Variants in PLPPR1 observed in about 807,000 individuals in gnomAD.
PLPPR1 encodes the protein phospholipid phosphatase related 1, also known as phospholipid phosphatase-related protein type 1.
A neutral mutation model predicts 33.1 loss-of-function variants in PLPPR1; 10 were observed. The observed-to-expected ratio is 0.30, with a 90% CI of 0.19 to 0.51. The LOEUF (loss-of-function observed/expected upper bound fraction) is 0.51, where lower values mean the gene tolerates loss of function less well. Ranked by LOEUF, PLPPR1 falls within the 20% of genes least tolerant of loss-of-function variation. The pLI is 0.97. For missense variants in PLPPR1, 304 were observed against 408.1 expected (o/e 0.74, Z 2.20); for synonymous variants, 151 against 151.0 (o/e 1.00, Z 0.00).
chr9:101,169,477 A>G (rs1028020719), intron 1 of PLPPR1, among the ~76,000 whole-genome samples: 1 of 152,118 alleles, frequency 6.6e-6, no homozygotes, highest in African/African-American at 2.4e-5. Context: ...GGTGGACCGT[A>G]AGATAATTCA....
chr9:101,118,980 G>A (rs1338887252), intron 1 of PLPPR1, among the ~76,000 whole-genome samples: 2 of 151,924 alleles, frequency 1.3e-5, no homozygotes, highest in Admixed American at 6.6e-5. Flanking sequence ...TGAGAAGTTC[G>A]TTTCTAGAAG....
chr9:101,264,337 G>A (rs913423284), intron 2 of PLPPR1, among the ~76,000 whole-genome samples: 1 of 151,986 alleles, frequency 6.6e-6, no homozygotes, highest in African/African-American at 2.4e-5. Flanking sequence ...TATATTGATG[G>A]AGCTGGGCCA....
At chr9:101,181,053 A>G (rs1826101186) in intron 1 of PLPPR1, among the ~76,000 whole-genome samples, 1 of 150,554 alleles carries the variant, frequency 6.6e-6, no homozygotes, top group African/African-American at 2.4e-5. Context: ...AACCCAATCT[A>G]AACATGGTCA....
rs569653553 is a variant in PLPPR1 at position 101,042,428 on chromosome 9, C to T, written c.-46+13326C>T. Among the ~76,000 whole-genome samples the T allele has an allele frequency of 9.2e-5, 14 of 152,230 alleles. No homozygotes were observed. In the East Asian group the frequency reaches 2.1e-3, roughly 23 times the overall value. ...GCATTTACTGATCACCCTAGGGACA[C>T]TTCTTTTGTCTAGGAATTTGCCTGG... On this transcript the variant is annotated intron_variant, in intron 1 of 7. Coordinates refer to ENST00000374874, the MANE Select transcript of PLPPR1 (RefSeq NM_207299.2).
chr9:101,277,404 A>G (rs370622005), intron 3 of PLPPR1, among the ~76,000 whole-genome samples: 21 of 152,276 alleles, frequency 1.4e-4, no homozygotes, highest in African/African-American at 4.8e-4. Flanking sequence ...GGCTGTGTCT[A>G]CTTTGCTTTC....
intron 1 of PLPPR1, among the ~76,000 whole-genome samples, chr9:101,110,280 C>T (rs900159014): frequency 6.6e-6 from 1 of 151,970 alleles, no homozygotes; most frequent in African/African-American, 2.4e-5. Flanking sequence ...ACAATAACAA[C>T]AAAAATAATA....
intron 2 of PLPPR1, among the ~76,000 whole-genome samples, chr9:101,188,515 G>C (rs1160428628): frequency 6.6e-6 from 1 of 151,270 alleles, no homozygotes; most frequent in African/African-American, 2.4e-5. Context: ...TTATTGCTTT[G>C]GTTAAGAACT....
At chr9:101,193,012 C>A (rs940320795) in intron 2 of PLPPR1, among the ~76,000 whole-genome samples, 1 of 152,116 alleles carries the variant, frequency 6.6e-6, no homozygotes, top group African/African-American at 2.4e-5. Context: ...TTCCAGCACC[C>A]TTTATCCTTG....
chr9:101,130,498 A>T (rs1831301269), intron 1 of PLPPR1, among the ~76,000 whole-genome samples: 1 of 152,216 alleles, frequency 6.6e-6, no homozygotes, highest in Non-Finnish European at 1.5e-5. Flanking sequence ...CTGGCACTTC[A>T]TAGATGGTAG....
intron 1 of PLPPR1, among the ~76,000 whole-genome samples, chr9:101,046,872 G>A (rs1241130950): frequency 5.3e-5 from 8 of 151,910 alleles, no homozygotes; most frequent in Middle Eastern, 3.4e-3. Context: ...TTATTTTAAC[G>A]CATTTATCTT....
intron 2 of PLPPR1, among the ~76,000 whole-genome samples, chr9:101,244,453 A>G (rs752715386): frequency 3.3e-5 from 5 of 151,324 alleles, no homozygotes; most frequent in African/African-American, 1.2e-4. Context: ...TTTTTTTGGT[A>G]TTTCTGTTAA....
chr9:101,306,986 G>A (rs1287010787), intron 4 of PLPPR1, among the ~76,000 whole-genome samples: 6 of 152,344 alleles, frequency 3.9e-5, no homozygotes, highest in African/African-American at 1.2e-4. Context: ...AGTTACCAGT[G>A]CAGGTTCCAC....
At chr9:101,167,032 C>T (rs1355316493) in intron 1 of PLPPR1, among the ~76,000 whole-genome samples, 1 of 127,660 alleles carries the variant, frequency 7.8e-6, no homozygotes, top group Non-Finnish European at 1.7e-5. Flanking sequence ...TCTGAGGGTG[C>T]CAGAAGATCT....
rs529383279 is a variant in PLPPR1 at position 101,138,881 on chromosome 9, G to C, written c.-45-46569G>C. ...TTCAAATTTCATGTTTTTTCCCCAG[G>C]GTTTGGTAGGATTAAAGTTGACTCT... is the stretch of plus-strand genomic sequence containing the variant. On this transcript the variant is annotated intron_variant, in intron 1 of 7. Transcript: ENST00000374874. Among the ~76,000 whole-genome samples the C allele has an allele frequency of 1.8e-4, 28 of 152,170 alleles. No individual in the cohort carries two copies. The East Asian group carries it at 3.9e-3, about 21-fold the overall frequency.
intron 2 of PLPPR1, among the ~76,000 whole-genome samples, chr9:101,239,527 A>T (rs566564126): frequency 6.6e-6 from 1 of 152,036 alleles, no homozygotes; most frequent in South Asian, 2.1e-4. Context: ...TGAAAAAATA[A>T]GATTTGATTC....
intron 1 of PLPPR1, among the ~76,000 whole-genome samples, chr9:101,078,072 T>A: frequency 1.0e-5 from 1 of 100,244 alleles, no homozygotes. Context: ...GAAAAGAGAG[T>A]CTGGAATGGA....
At chr9:101,079,918 T>A (rs650894) in intron 1 of PLPPR1, among the ~76,000 whole-genome samples, 2 of 151,466 alleles carry the variant, frequency 1.3e-5, no homozygotes, top group African/African-American at 2.4e-5. Context: ...TTTTTTCTCA[T>A]TCTGGAAGTT....
intron 1 of PLPPR1, among the ~76,000 whole-genome samples, chr9:101,034,416 G>A (rs947911227): frequency 1.3e-5 from 2 of 152,114 alleles, no homozygotes; most frequent in Admixed American, 6.5e-5. Flanking sequence ...TACCTCAATG[G>A]TACCACTTGG....
chr9:101,302,793 C>T (rs1828777790), intron 4 of PLPPR1, among the ~76,000 whole-genome samples: 1 of 152,234 alleles, frequency 6.6e-6, no homozygotes, highest in South Asian at 2.1e-4. Context: ...CACGTTTTCT[C>T]ATTTTGTGGA....
Sources: allele counts gnomAD v4.1 joint callset (sites outside exome capture counted in the v4.1 genomes callset), GRCh38; gene constraint gnomAD v4.1.1; transcripts MANE v1.5; gene names NCBI Gene and HGNC (gene_info 2026-07-23, HGNC 2026-07-21).